CSGALNACT1: variants seen among roughly 807,000 people sequenced by gnomAD.
CSGALNACT1 encodes beta4GalNAcT-1.
CSGALNACT1 carries 52 observed loss-of-function variants against 51.0 expected under a neutral mutation model. The observed-to-expected ratio is 1.02, with a 90% CI of 0.82 to 1.29. The LOEUF (loss-of-function observed/expected upper bound fraction) is 1.29. CSGALNACT1 is among the 50% of genes most tolerant of loss of function. The pLI, the probability that CSGALNACT1 is intolerant of heterozygous loss-of-function variation, is 0.00. For missense variants in CSGALNACT1, 935 were observed against 679.2 expected (o/e 1.38, Z -4.19); for synonymous variants, 341 against 254.4 (o/e 1.34, Z -3.24).
At chr8:19,622,115 T>C (rs901135307) in intron 1 of CSGALNACT1, among the ~76,000 whole-genome samples, 5 of 152,190 alleles carry the variant, frequency 3.3e-5, no homozygotes, top group African/African-American at 7.2e-5. Flanking sequence ...TGGAACACGG[T>C]TATGTAATAT....
chr8:19,471,545 G>A (rs1050196287), intron 4 of CSGALNACT1, among the ~76,000 whole-genome samples: 1 of 152,032 alleles, frequency 6.6e-6, no homozygotes, highest in African/African-American at 2.4e-5. Flanking sequence ...CCCCTCAGTC[G>A]AATTCTTTCT....
intron 4 of CSGALNACT1, among the ~76,000 whole-genome samples, chr8:19,492,569 C>T (rs1563710645): frequency 6.6e-6 from 1 of 152,188 alleles, no homozygotes. Context: ...CAAGCCTCAC[C>T]TGTGTCATGT....
At position 19,658,545 on chromosome 8, in the gene CSGALNACT1, C is replaced by A. The variant is rs186398823; in HGVS notation, c.-544+23928G>T. 2.1e-4 allele frequency among the ~76,000 whole-genome samples: 32 copies of A among 152,206 alleles called. No individual in the cohort carries two copies. In the East Asian group the frequency reaches 5.6e-3, roughly 27 times the overall value. ...GGTCAGGAGTTTGAGACCAGCCTGG[C>A]CAACATGGAGAAACCCCATCTCTAA... On this transcript the variant is annotated intron_variant, in intron 1 of 9. Transcript: ENST00000332246.
At chr8:19,622,447 T>C (rs2053937094) in intron 1 of CSGALNACT1, among the ~76,000 whole-genome samples, 1 of 152,234 alleles carries the variant, frequency 6.6e-6, no homozygotes, top group Admixed American at 6.5e-5. Flanking sequence ...GTAACCATTG[T>C]TTAAAAGAAA....
At chr8:19,687,697 AT>A (rs2061055488) in intron 1 of CSGALNACT1, among the ~76,000 whole-genome samples, 1 of 152,194 alleles carries the variant, frequency 6.6e-6, no homozygotes, top group Admixed American at 6.5e-5. Context: ...CCATTCACCT[AT>A]TATCAACTCT....
At chr8:19,489,624 G>C (rs977782707) in intron 4 of CSGALNACT1, among the ~76,000 whole-genome samples, 1 of 152,286 alleles carries the variant, frequency 6.6e-6, no homozygotes, top group East Asian at 1.9e-4. Flanking sequence ...TTAAGTCTAG[G>C]GGGAGACCCT....
At chr8:19,703,729 G>GCATGTCTC (rs1554813909) in intron 1 of CSGALNACT1, among the ~76,000 whole-genome samples, 1 of 152,188 alleles carries the variant, frequency 6.6e-6, no homozygotes, top group Non-Finnish European at 1.5e-5. Context: ...CTCATGGTCT[G>GCATGTCTC]CATGTCTCCC....
intron 4 of CSGALNACT1, among the ~76,000 whole-genome samples, chr8:19,491,792 TG>T (rs1418674615): frequency 6.6e-6 from 1 of 152,236 alleles, no homozygotes; most frequent in East Asian, 1.9e-4. Context: ...TGCAGTAATT[TG>T]CAAACGACAC....
At chr8:19,537,179 T>G (rs2083944633) in intron 3 of CSGALNACT1, among the ~76,000 whole-genome samples, 1 of 152,084 alleles carries the variant, frequency 6.6e-6, no homozygotes, top group Non-Finnish European at 1.5e-5. Flanking sequence ...CAAGAAATGG[T>G]TAATTTGTTT....
rs140191075 is a variant in CSGALNACT1, at chr8:19,624,945, G to A, written c.-543-23080C>T. ...GCCCACCTCGGCCTCCCAAAATGCC[G>A]GGATTACAGGCGTGAGCCACTGCAC... On this transcript the variant is annotated intron_variant, in intron 1 of 9. Transcript: ENST00000332246. Among the ~76,000 whole-genome samples, 332 of 152,246 alleles carry A rather than the reference G, an allele frequency of 2.2e-3. 3 individuals are homozygous for A. The highest frequency in any genetic ancestry group is 0.015 in the Admixed American group (233 of 15,302).
At chr8:19,419,646 T>A (rs930652979) in intron 7 of CSGALNACT1, among the ~76,000 whole-genome samples, 2 of 152,136 alleles carry the variant, frequency 1.3e-5, no homozygotes, top group African/African-American at 4.8e-5. Context: ...TCCTTTCTCT[T>A]TAGGGTTGGC....
intron 3 of CSGALNACT1, among the ~76,000 whole-genome samples, chr8:19,507,478 T>C (rs1431064496): frequency 6.8e-6 from 1 of 146,356 alleles, no homozygotes; most frequent in Non-Finnish European, 1.5e-5. Flanking sequence ...TCTTCAGATG[T>C]TCTCCTTCCT....
chr8:19,405,876 C>T, exon 10 of CSGALNACT1: 5 of 1,614,140 alleles, frequency 3.1e-6, no homozygotes, highest in Non-Finnish European at 2.5e-6. Context: ...CGTGGGATGC[C>T]TCGTTCATGG....
intron 3 of CSGALNACT1, among the ~76,000 whole-genome samples, chr8:19,540,413 C>T (rs534273253): frequency 1.3e-5 from 2 of 152,278 alleles, no homozygotes; most frequent in South Asian, 2.1e-4. Context: ...CGTACCCCAT[C>T]GGCTCACTGT....
At chr8:19,488,898 G>T (rs571354503) in intron 4 of CSGALNACT1, among the ~76,000 whole-genome samples, 1 of 152,242 alleles carries the variant, frequency 6.6e-6, no homozygotes, top group East Asian at 1.9e-4. Context: ...AATTTTCCCT[G>T]CTCATGAGTC....
At chr8:19,740,483 T>C (rs2064244247) in intron 1 of CSGALNACT1, among the ~76,000 whole-genome samples, 1 of 152,206 alleles carries the variant, frequency 6.6e-6, no homozygotes, top group Non-Finnish European at 1.5e-5. Flanking sequence ...CCCTCACACA[T>C]CCAGTACCAG....
At chr8:19,681,120 G>A (rs58762846) in intron 1 of CSGALNACT1, among the ~76,000 whole-genome samples, 5,768 of 152,136 alleles carry the variant, frequency 0.038, 368 homozygotes, top group African/African-American at 0.13. Context: ...ATGAAGGGAC[G>A]ACCTTACTAC....
chr8:19,492,417 C>T (rs770138694), intron 4 of CSGALNACT1, among the ~76,000 whole-genome samples: 16 of 152,226 alleles, frequency 1.1e-4, no homozygotes, highest in Non-Finnish European at 2.2e-4. Flanking sequence ...CTTCAGTTTC[C>T]TGCACGCTAC....
intron 1 of CSGALNACT1, among the ~76,000 whole-genome samples, chr8:19,662,074 ACCCC>A (rs1159242984): frequency 0.022 from 778 of 34,960 alleles, 6 homozygotes; most frequent in African/African-American, 0.062. Flanking sequence ...ACCCCCCCCC[ACCCC>A]CCCCCCCCCC....
Sources: gnomAD v4.1 joint callset for allele counts (sites outside exome capture counted in the v4.1 genomes callset) on GRCh38, gnomAD v4.1.1 for gene constraint, MANE v1.5 for transcripts, NCBI Gene and HGNC (gene_info 2026-07-23, HGNC 2026-07-21) for gene names.